Variants in PCLO observed in about 807,000 individuals in gnomAD.
PCLO encodes protein piccolo.
Under a neutral mutation model 427.5 loss-of-function variants are expected in PCLO, and 82 were observed. The observed-to-expected ratio is 0.19, with a 90% CI of 0.16 to 0.23. The LOEUF (loss-of-function observed/expected upper bound fraction) is 0.23, where lower values mean the gene tolerates loss of function less well. PCLO is among the 10% of genes least tolerant of loss of function. The pLI, the probability that PCLO is intolerant of heterozygous loss-of-function variation, is 1.00. For synonymous variants in PCLO, 2,357 were observed against 2,155.4 expected, an observed-to-expected ratio of 1.09 and a Z score of -2.59; for missense variants, 6,239 against 6,115.9, an observed-to-expected ratio of 1.02 and a Z score of -0.67.
intron 16 of PCLO, among the ~76,000 whole-genome samples, chr7:82,829,188 A>G (rs1792028084): frequency 2.6e-5 from 4 of 152,118 alleles, no homozygotes. Flanking sequence ...CTTTCCCTGT[A>G]TCTCTGATTT....
chr7:82,814,698 G>T (rs1300970540), intron 20 of PCLO, among the ~76,000 whole-genome samples: 2 of 151,638 alleles, frequency 1.3e-5, no homozygotes. Context: ...AGTCATCAAA[G>T]CAATGATAAC....
intron 6 of PCLO, among the ~76,000 whole-genome samples, chr7:82,925,494 C>T (rs1029222454): frequency 1.3e-5 from 2 of 152,054 alleles, no homozygotes; most frequent in African/African-American, 4.8e-5. Flanking sequence ...TAGGGGTCCC[C>T]ACCTGCACTC....
chr7:83,110,721 T>C (rs1005347453), intron 3 of PCLO, among the ~76,000 whole-genome samples: 1 of 152,186 alleles, frequency 6.6e-6, no homozygotes, highest in African/African-American at 2.4e-5. Context: ...ACTCCAACTT[T>C]ACTTGATTTT....
intron 3 of PCLO, among the ~76,000 whole-genome samples, chr7:83,002,291 A>C (rs1415249439): frequency 6.6e-6 from 1 of 151,794 alleles, no homozygotes; most frequent in African/African-American, 2.4e-5. Flanking sequence ...TTCATTAATT[A>C]TCTCTTAGGC....
At chr7:83,035,076 C>T (rs894387027) in intron 3 of PCLO, among the ~76,000 whole-genome samples, 2 of 152,160 alleles carry the variant, frequency 1.3e-5, no homozygotes, top group African/African-American at 4.8e-5. Context: ...GCTCTGGCAG[C>T]AAGTCTTTAA....
intron 22 of PCLO, among the ~76,000 whole-genome samples, chr7:82,787,491 C>A (rs1010922902): frequency 2.0e-5 from 3 of 152,042 alleles, no homozygotes; most frequent in African/African-American, 4.8e-5. Flanking sequence ...TTTCCAGGAG[C>A]GTTTTAGTAG....
chr7:83,048,140 T>C (rs1296920076), intron 3 of PCLO, among the ~76,000 whole-genome samples: 1 of 152,114 alleles, frequency 6.6e-6, no homozygotes, highest in Non-Finnish European at 1.5e-5. Flanking sequence ...TATTAAATGT[T>C]TGCTGCTTTA....
In PCLO at chr7:82,956,617, G is replaced by T. The variant is rs1562883801; in HGVS notation, c.4336C>A (p.Pro1446Thr). 3 of 1,613,660 alleles carry T rather than the reference G, an allele frequency of 1.9e-6. No individual in the cohort carries two copies. In the East Asian group the frequency reaches 6.7e-5, roughly 36 times the overall value. Residue 1446 changes from proline to threonine, a missense_variant, in exon 5 of 25, where the codon CCT (proline) becomes ACT (threonine). Pro to Thr is a conservative substitution (Grantham distance 38). This residue lies in a region of PCLO where 4,677 missense variants were observed against 4,468.4 expected (regional missense o/e 1.05). Coordinates refer to ENST00000333891, the MANE Select transcript of PCLO (RefSeq NM_033026.6). ...TQPHEVSPEQPKDQEKTQSLS... is the reference protein window; with the variant it reads ...TQPHEVSPEQTKDQEKTQSLS... ...CTCTGAGTTTTCTCTTGGTCTTTAG[G>T]CTGTTCAGGAGAAACTTCATGGGGT...
intron 5 of PCLO, 132 bp from the exon 6 acceptor site, chr7:82,951,622 C>T (rs541744713): frequency 2.0e-5 from 17 of 852,154 alleles, no homozygotes; most frequent in East Asian, 1.3e-4. Context: ...TAATTATATG[C>T]GGAATGAAAG....
At chr7:82,891,175 G>C (rs1422750043) in intron 9 of PCLO, among the ~76,000 whole-genome samples, 1 of 152,012 alleles carries the variant, frequency 6.6e-6, no homozygotes, top group Admixed American at 6.6e-5. Context: ...TTCACATATT[G>C]CCAGTGTTGG....
At position 82,841,433 on chromosome 7, in the gene PCLO, T is replaced by TA. The variant is rs1305740366; in HGVS notation, c.14097+25_14097+26insT. Reference sequence around the variant, plus strand: ...AAAACAACCAAAAAAGGTTATATAATGGCGACTTTTTAAAAAACTTCATAC... The same window carrying TA: ...AAAACAACCAAAAAAGGTTATATAATAGGCGACTTTTTAAAAAACTTCATAC... On this transcript the variant is annotated intron_variant, in intron 14 of 24. Coordinates refer to ENST00000333891, the MANE Select transcript of PCLO (RefSeq NM_033026.6). 2.0e-6 allele frequency: 3 copies of TA among 1,503,736 alleles called. No homozygotes were observed. In the African/African-American group the frequency reaches 4.1e-5, roughly 21 times the overall value. The allele number at this position is 1,503,736 out of a possible 1,614,324, so 93.1% of individuals were successfully genotyped here.
At chr7:83,110,244 T>A (rs1003327264) in intron 3 of PCLO, among the ~76,000 whole-genome samples, 5 of 151,850 alleles carry the variant, frequency 3.3e-5, no homozygotes, top group African/African-American at 9.7e-5. Flanking sequence ...ACAGAATAAT[T>A]TGTATATTTA....
chr7:83,065,680 C>A (rs992984810), intron 3 of PCLO, among the ~76,000 whole-genome samples: 2 of 151,728 alleles, frequency 1.3e-5, no homozygotes, highest in African/African-American at 4.8e-5. Flanking sequence ...ATAAATTTGG[C>A]CAGAAATAAA....
chr7:82,778,618 G>A (rs1287302775), intron 22 of PCLO, among the ~76,000 whole-genome samples: 1 of 152,036 alleles, frequency 6.6e-6, no homozygotes, highest in African/African-American at 2.4e-5. Context: ...AAGTTTTAGA[G>A]TGTTACTTTT....
intron 3 of PCLO, among the ~76,000 whole-genome samples, chr7:83,023,926 T>C (rs530706910): frequency 1.3e-5 from 2 of 152,240 alleles, no homozygotes; most frequent in Non-Finnish European, 2.9e-5. Context: ...TTTTCTGGAA[T>C]GCATACCAAA....
At chr7:83,012,309 A>G (rs1380802903) in intron 3 of PCLO, among the ~76,000 whole-genome samples, 1 of 152,020 alleles carries the variant, frequency 6.6e-6, no homozygotes, top group African/African-American at 2.4e-5. Flanking sequence ...CCTAGAGTTG[A>G]CTGATAATTG....
At chr7:83,114,996 G>C (rs914247450) in intron 3 of PCLO, among the ~76,000 whole-genome samples, 5 of 151,916 alleles carry the variant, frequency 3.3e-5, no homozygotes, top group Non-Finnish European at 5.9e-5. Flanking sequence ...TTTTAAAGTG[G>C]AGAATGGTTA....
chr7:83,008,806 G>T (rs1376622758), intron 3 of PCLO, among the ~76,000 whole-genome samples: 1 of 151,458 alleles, frequency 6.6e-6, no homozygotes, highest in African/African-American at 2.4e-5. Context: ...AGACAAAAAT[G>T]ACTGGTTAAA....
At chr7:82,994,914 G>T (rs1415419815) in intron 3 of PCLO, among the ~76,000 whole-genome samples, 1 of 151,920 alleles carries the variant, frequency 6.6e-6, no homozygotes, top group Non-Finnish European at 1.5e-5. Context: ...GAAATGTAAA[G>T]ATTATTCTGT....
Sources: allele counts gnomAD v4.1 joint callset (sites outside exome capture counted in the v4.1 genomes callset), GRCh38; gene constraint gnomAD v4.1.1; regional missense constraint gnomAD v4.1.1; transcripts MANE v1.5; gene names NCBI Gene and HGNC (gene_info 2026-07-23, HGNC 2026-07-21).